Variants in LRP2 observed in about 807,000 individuals in gnomAD.
The protein encoded by LRP2 is low-density lipoprotein receptor-related protein 2.
Under a neutral mutation model 531.0 loss-of-function variants are expected in LRP2, and 172 were observed. The observed-to-expected ratio is 0.32, with a 90% confidence interval of 0.29 to 0.37. The LOEUF is 0.37. Among genes scored for constraint, LRP2 ranks in the 10% least tolerant of loss-of-function variants. LRP2 has a pLI of 1.00. For missense variants in LRP2, 5,167 were observed against 5,868.3 expected, an observed-to-expected ratio of 0.88 and a Z score of 3.90; for synonymous variants, 1,992 against 2,027.6, an observed-to-expected ratio of 0.98 and a Z score of 0.47.
chr2:169,310,790 T>A (rs575649056), intron 3 of LRP2, among the ~76,000 whole-genome samples: 5 of 152,248 alleles, frequency 3.3e-5, no homozygotes, highest in Admixed American at 6.5e-5. Flanking sequence ...CAGCTCCTCC[T>A]TGTACCTCTG....
chr2:169,270,842 T>A, intron 16 of LRP2, 62 bp downstream of exon 16: 2 of 1,162,142 alleles, frequency 1.7e-6, no homozygotes, highest in Non-Finnish European at 2.5e-6. Context: ...GTTGTAAGTA[T>A]CATTACAATA....
rs781264017 is a variant in LRP2, at chr2:169,172,117, G to A, written c.11161C>T (p.Pro3721Ser). The A allele has an allele frequency of 1.2e-6, 2 of 1,614,170 alleles. No homozygotes were observed. Among genetic ancestry groups the A allele is most frequent in the Admixed American group, 1.7e-5 (1 of 60,024 alleles). The change falls in exon 58 of 79, where the codon CCT (proline) becomes TCT (serine). Residue 3721 changes from proline (P) to serine (S), a missense_variant. Physicochemically the swap from Pro to Ser is moderately conservative, Grantham distance 74. This residue lies in a region of LRP2 where 311 missense variants were observed against 309.4 expected (regional missense o/e 1.01). Transcript: ENST00000649046. ...EQGCEERTCH[P>S]VGDFRCKNHH... ...TTTTTACAGCGGAAATCCCCCACAG[G>A]ATGGCATGTCCTCTCCTCTGCAAAG...
At chr2:169,302,777 A>C (rs1034362638) in intron 4 of LRP2, among the ~76,000 whole-genome samples, 1 of 151,952 alleles carries the variant, frequency 6.6e-6, no homozygotes, top group African/African-American at 2.4e-5. Context: ...GCAAGGGGTA[A>C]AGAACAGAAA....
intron 47 of LRP2, among the ~76,000 whole-genome samples, chr2:169,192,801 T>C (rs537932406): frequency 2.2e-4 from 34 of 152,204 alleles, no homozygotes; most frequent in African/African-American, 7.9e-4. Flanking sequence ...CCACAATCCA[T>C]GTATGTGTAG....
chr2:169,185,211 A>T (rs1687592471), intron 50 of LRP2, among the ~76,000 whole-genome samples: 1 of 152,198 alleles, frequency 6.6e-6, no homozygotes, highest in Non-Finnish European at 1.5e-5. Flanking sequence ...TGAATGCATG[A>T]ATCGTCCCTT....
rs116446768 is a variant in LRP2 at position 169,194,675 on chromosome 2, C to G, written c.8699-783G>C. ...TCATAACAGTAACAAGAAACAGGCT[C>G]TTTCAGAAGCTGCTATGAAAAGTGT... On this transcript the variant is annotated intron_variant, in intron 46 of 78. Transcript: ENST00000649046. Among the ~76,000 whole-genome samples the G allele has an allele frequency of 5.4e-3, 800 of 146,808 alleles. 8 individuals carry two copies. The highest frequency in any genetic ancestry group is 0.019 in the African/African-American group (751 of 39,488).
intron 66 of LRP2, among the ~76,000 whole-genome samples, chr2:169,153,197 T>C (rs1686208887): frequency 2.0e-5 from 3 of 152,234 alleles, no homozygotes; most frequent in African/African-American, 7.2e-5. Flanking sequence ...TTTAGTCATC[T>C]CTATTTAAAA....
At chr2:169,147,548 C>G (rs752125185) in intron 68 of LRP2, among the ~76,000 whole-genome samples, 3 of 152,100 alleles carry the variant, frequency 2.0e-5, no homozygotes, top group Non-Finnish European at 4.4e-5. Context: ...AACTCCTGGA[C>G]TCAAGCAATC....
intron 66 of LRP2, among the ~76,000 whole-genome samples, chr2:169,153,498 G>A (rs1248299436): frequency 1.3e-5 from 2 of 152,210 alleles, no homozygotes; most frequent in African/African-American, 2.4e-5. Context: ...CTTGAAAAGT[G>A]TATTGTATTG....
chr2:169,315,957 TA>T (rs1481809502), intron 3 of LRP2, among the ~76,000 whole-genome samples: 1 of 24,666 alleles, frequency 4.1e-5, no homozygotes, highest in Non-Finnish European at 7.5e-5. Context: ...ACCCCATCTC[TA>T]CAAAAAAAAA....
intron 12 of LRP2, among the ~76,000 whole-genome samples, chr2:169,278,445 C>T (rs1035183694): frequency 6.6e-6 from 1 of 151,924 alleles, no homozygotes; most frequent in African/African-American, 2.4e-5. Flanking sequence ...GATTGTGCTG[C>T]TGCACTCCAG....
intron 16 of LRP2, among the ~76,000 whole-genome samples, chr2:169,261,837 G>A (rs971604415): frequency 5.3e-5 from 8 of 152,080 alleles, no homozygotes; most frequent in East Asian, 1.9e-4. Flanking sequence ...TTGATGCAAA[G>A]ATCCTCAATA....
chr2:169,166,873 G>A (rs915182907), intron 61 of LRP2, among the ~76,000 whole-genome samples: 2 of 152,180 alleles, frequency 1.3e-5, no homozygotes, highest in African/African-American at 4.8e-5. Flanking sequence ...CTTTCACATG[G>A]AGGATTTGGG....
Position 169,241,290 on chromosome 2 carries a change from C to T in LRP2, c.3743G>A (p.Trp1248Ter). 6.2e-7 allele frequency: 1 copy of T among 1,614,144 alleles called. No homozygotes were observed. The highest frequency in any genetic ancestry group is 2.2e-5 in the East Asian group (1 of 44,880). ...GCAGTCTGGATGCCCATCACATTCCCAGAAGTTCGGGATGCAGATACCATC... is the reference window on the plus strand; with the variant it reads ...GCAGTCTGGATGCCCATCACATTCCTAGAAGTTCGGGATGCAGATACCATC... ...QEDGICIPNF[W>*]ECDGHPDCLY... The change falls in exon 25 of 79, where the codon TGG (tryptophan) becomes TAG (stop). Residue 1248 changes from tryptophan (W) to a stop codon, truncating the protein, a stop_gained. Coordinates refer to ENST00000649046, the MANE Select transcript of LRP2 (RefSeq NM_004525.3). LOFTEE classifies it high-confidence loss of function.
At position 169,127,799 on chromosome 2, in the gene LRP2, A is replaced by C. The variant is rs1247422192; in HGVS notation, c.*864T>G. 6.6e-6 allele frequency: 1 copy of C among 151,676 alleles called. No homozygotes were observed. The highest frequency in any genetic ancestry group is 2.4e-5 in the African/African-American group (1 of 41,112). 9.4% of individuals were successfully genotyped at this position (151,676 alleles called of 1,614,324 possible). ...TTTATGAAGACACAGATTTGGTTTCAGAAATTCAGCTACTGAGCTCCAACT... is the reference window on the plus strand; with the variant it reads ...TTTATGAAGACACAGATTTGGTTTCCGAAATTCAGCTACTGAGCTCCAACT... On this transcript the variant is annotated 3_prime_UTR_variant, in exon 79 of 79. Transcript: ENST00000649046.
chr2:169,343,818 C>A (rs554421051), intron 1 of LRP2, among the ~76,000 whole-genome samples: 1 of 152,232 alleles, frequency 6.6e-6, no homozygotes, highest in South Asian at 2.1e-4. Context: ...GCTTGGCAGC[C>A]AGTGATTTAA....
At chr2:169,296,309 A>T (rs1043902121) in intron 4 of LRP2, among the ~76,000 whole-genome samples, 3 of 151,964 alleles carry the variant, frequency 2.0e-5, no homozygotes, top group African/African-American at 4.8e-5. Flanking sequence ...AAAATTTAAA[A>T]TTTTTTCTGA....
chr2:169,243,563 G>T, intron 22 of LRP2, 41 bp from the exon 23 acceptor site: 1 of 1,612,856 alleles, frequency 6.2e-7, no homozygotes, highest in South Asian at 1.1e-5. Flanking sequence ...TTTATTTCCT[G>T]TGCAACAAGT....
At position 169,212,219 on chromosome 2, in the gene LRP2, C is replaced by G. The variant is rs949571372; in HGVS notation, c.6041-12G>C. On this transcript the variant is annotated splice_polypyrimidine_tract_variant and intron_variant, in intron 36 of 78. Coordinates refer to ENST00000649046, the MANE Select transcript of LRP2 (RefSeq NM_004525.3). ...GGATTCGGCGGCATCTAAATGAAAA[C>G]AAAATCCATTTGTAACTTTTGATCC... is the stretch of plus-strand genomic sequence containing the variant. The G allele has an allele frequency of 5.0e-6, 8 of 1,613,782 alleles. No individual in the cohort carries two copies. The Admixed American group carries it at 1.3e-4, about 27-fold the overall frequency.
Sources: allele counts gnomAD v4.1 joint callset (sites outside exome capture counted in the v4.1 genomes callset), GRCh38; gene constraint gnomAD v4.1.1; regional missense constraint gnomAD v4.1.1; transcripts MANE v1.5; gene names NCBI Gene and HGNC (gene_info 2026-07-23, HGNC 2026-07-21).